ZNF254: variants seen among roughly 807,000 people sequenced by gnomAD.
ZNF254 encodes CTD-2017D11.1.
ZNF254 carries 10 observed loss-of-function variants against 12.4 expected under a neutral mutation model. That is an observed-to-expected ratio of 0.80 (90% CI 0.50 to 1.36). The LOEUF is 1.36. Ranked by LOEUF, ZNF254 falls within the 40% of genes most tolerant of loss-of-function variation. The probability of loss-of-function intolerance (pLI) is 0.00; values close to 1 mark genes in which losing one functional copy is unlikely to be tolerated. For missense variants in ZNF254, 996 were observed against 763.9 expected (o/e 1.30, Z -3.58); for synonymous variants, 305 against 253.4 (o/e 1.20, Z -1.93).
upstream of ZNF254, among the ~76,000 whole-genome samples, chr19:24,082,666 A>G (rs1971893777): frequency 6.9e-6 from 1 of 145,514 alleles, no homozygotes. Flanking sequence ...ACAAAAAAAA[A>G]AAACCCAAAA....
chr19:24,040,086 A>G (rs1181120100), intron 1 of ZNF254, among the ~76,000 whole-genome samples: 1 of 152,160 alleles, frequency 6.6e-6, no homozygotes, highest in African/African-American at 2.4e-5. Flanking sequence ...CAGCACAGAG[A>G]AGAGAAGCTG....
At chr19:24,114,184 G>A (rs1487858205) in intron 3 of ZNF254, among the ~76,000 whole-genome samples, 1 of 152,122 alleles carries the variant, frequency 6.6e-6, no homozygotes, top group South Asian at 2.1e-4. Flanking sequence ...CTACTTTAAA[G>A]TTCACATGGA....
chr19:24,104,642 A>G (rs888065176), intron 1 of ZNF254: 2 of 152,174 alleles, frequency 1.3e-5, no homozygotes, highest in Non-Finnish European at 2.9e-5. Context: ...TCTTCTCTAC[A>G]TCATGGCTTT....
At chr19:24,052,017 A>G (rs944080870) in intron 2 of ZNF254, among the ~76,000 whole-genome samples, 1 of 152,130 alleles carries the variant, frequency 6.6e-6, no homozygotes, top group African/African-American at 2.4e-5. Flanking sequence ...GTATTGTGAC[A>G]TATTGCTGAG....
chr19:24,035,531 C>T (rs1207605539), intron 1 of ZNF254, among the ~76,000 whole-genome samples: 1 of 152,014 alleles, frequency 6.6e-6, no homozygotes, highest in African/African-American at 2.4e-5. Flanking sequence ...AAAAAATTAG[C>T]CGGGCTTGGT....
chr19:24,056,817 G>T (rs1220378690), intron 2 of ZNF254, among the ~76,000 whole-genome samples: 1 of 152,144 alleles, frequency 6.6e-6, no homozygotes, highest in Non-Finnish European at 1.5e-5. Context: ...GTTTCAGGAG[G>T]AAATTTAACA....
At chr19:24,057,890 A>G (rs1389621967) in intron 2 of ZNF254, among the ~76,000 whole-genome samples, 1 of 152,212 alleles carries the variant, frequency 6.6e-6, no homozygotes, top group East Asian at 1.9e-4. Context: ...GAATTGGGGT[A>G]TATACAGGAT....
At chr19:24,120,235 C>A (rs1374798325) in intron 3 of ZNF254, among the ~76,000 whole-genome samples, 1 of 152,096 alleles carries the variant, frequency 6.6e-6, no homozygotes, top group Admixed American at 6.6e-5. Flanking sequence ...CATCTGCCCC[C>A]ATGATTCAAT....
chr19:24,080,923 C>T (rs2145575417), intron 2 of ZNF254, among the ~76,000 whole-genome samples: 1 of 151,466 alleles, frequency 6.6e-6, no homozygotes, highest in South Asian at 2.1e-4. Context: ...AGTAAAAATA[C>T]AAAATTAGCT....
intron 2 of ZNF254, chr19:24,064,411 T>G (rs1971192724): frequency 6.6e-6 from 1 of 152,212 alleles, no homozygotes; most frequent in South Asian, 2.1e-4. Flanking sequence ...GAGTCTCTGC[T>G]ACTGCTTGGG....
At chr19:24,085,775 T>TA (rs527406048), upstream of ZNF254, among the ~76,000 whole-genome samples, 320 of 148,990 alleles carry the variant, frequency 2.1e-3, 2 homozygotes, top group African/African-American at 7.4e-3. Context: ...CTCCTGGAAA[T>TA]AAAAAAACAG....
At chr19:24,086,681 T>G (rs1289193296), upstream of ZNF254, among the ~76,000 whole-genome samples, 1 of 151,988 alleles carries the variant, frequency 6.6e-6, no homozygotes, top group African/African-American at 2.4e-5. Context: ...TTCACCATGA[T>G]AGTCAGGCTG....
rs190325822 is a variant in ZNF254, at chr19:24,088,895, G to T, written c.30+1558G>T. Among the ~76,000 whole-genome samples, 366 of 150,760 alleles carry T rather than the reference G, an allele frequency of 2.4e-3. 2 individuals are homozygous for T. Among genetic ancestry groups the T allele is most frequent in the Admixed American group, 9.9e-3 (149 of 15,108 alleles). On this transcript the variant is annotated intron_variant, in intron 1 of 3. Transcript: ENST00000357002. ...TGGTTTCAAACTCCTAGCCTCAAGC[G>T]ATCCGCCTGCATCAGCCTCCCCAAG...
chr19:24,057,494 T>A (rs1287300440), intron 2 of ZNF254, among the ~76,000 whole-genome samples: 3 of 152,218 alleles, frequency 2.0e-5, no homozygotes, highest in African/African-American at 7.2e-5. Context: ...AGATTGCGAC[T>A]CTCATGGGAA....
chr19:24,041,651 G>A (rs1360549679), intron 1 of ZNF254, among the ~76,000 whole-genome samples: 3 of 152,246 alleles, frequency 2.0e-5, no homozygotes, highest in South Asian at 2.1e-4. Flanking sequence ...ACCACCCCCT[G>A]CTCCACGGCG....
chr19:24,049,214 A>ATATATAT (rs1160333151), intron 2 of ZNF254, among the ~76,000 whole-genome samples: 49 of 40,844 alleles, frequency 1.2e-3, no homozygotes, highest in African/African-American at 1.6e-3. Context: ...ATATATATAT[A>ATATATAT]TTTTTTTTTT....
chr19:24,106,136 G>C, intron 2 of ZNF254, 70 bp downstream of exon 2: 3 of 1,477,650 alleles, frequency 2.0e-6, no homozygotes, highest in Non-Finnish European at 2.7e-6. Context: ...AATGTTTTCT[G>C]GTAATTTACG....
At chr19:24,102,914 G>A (rs923701259) in intron 1 of ZNF254, among the ~76,000 whole-genome samples, 1 of 152,110 alleles carries the variant, frequency 6.6e-6, no homozygotes, top group African/African-American at 2.4e-5. Context: ...ATAAACAGAA[G>A]AGGAAATAAA....
intron 2 of ZNF254, among the ~76,000 whole-genome samples, chr19:24,051,589 G>T (rs1305366274): frequency 1.3e-5 from 2 of 149,772 alleles, no homozygotes; most frequent in Non-Finnish European, 3.0e-5. Flanking sequence ...ACTGGGTCAA[G>T]AACCTAGATG....
Sources: allele counts gnomAD v4.1 joint callset (sites outside exome capture counted in the v4.1 genomes callset), GRCh38; gene constraint gnomAD v4.1.1; transcripts MANE v1.5; gene names NCBI Gene and HGNC (gene_info 2026-07-23, HGNC 2026-07-21).